Variants in SYNE2 observed in about 807,000 individuals in gnomAD.
SYNE2 encodes the protein spectrin repeat containing nuclear envelope protein 2.
Under a neutral mutation model 856.3 loss-of-function variants are expected in SYNE2, and 431 were observed. The ratio of observed to expected loss-of-function variants is 0.50; its 90% CI spans 0.47 to 0.55. The LOEUF (loss-of-function observed/expected upper bound fraction) is 0.55. Among genes scored for constraint, SYNE2 ranks in the 20% least tolerant of loss-of-function variants. The probability of loss-of-function intolerance (pLI) is 0.00; values close to 1 mark genes in which losing one functional copy is unlikely to be tolerated. For missense variants in SYNE2, 8,129 were observed against 8,023.2 expected, an observed-to-expected ratio of 1.01 and a Z score of -0.50; for synonymous variants, 2,923 against 2,872.3, an observed-to-expected ratio of 1.02 and a Z score of -0.56.
At chr14:64,191,178 AATT>A (rs1431218111) in intron 99 of SYNE2, 22 of 341,462 alleles carry the variant, frequency 6.4e-5, no homozygotes, top group African/African-American at 1.9e-4. Flanking sequence ...TTATTATTTA[AATT>A]ATTATTTAAA....
chr14:64,078,640 G>T (rs374180430), intron 55 of SYNE2, 34 bp downstream of exon 55: 44 of 1,611,034 alleles, frequency 2.7e-5, no homozygotes, highest in Non-Finnish European at 3.5e-5. Flanking sequence ...TCAGCATTTG[G>T]TACTTCTGAC....
At chr14:63,823,924 AC>A (rs1191649590) in intron 1 of SYNE2, among the ~76,000 whole-genome samples, 2 of 152,170 alleles carry the variant, frequency 1.3e-5, no homozygotes, top group Non-Finnish European at 2.9e-5. Flanking sequence ...GGCATGAGCC[AC>A]CACACCTGGC....
At chr14:63,797,818 A>G (rs1401377458) in intron 1 of SYNE2, among the ~76,000 whole-genome samples, 2 of 152,238 alleles carry the variant, frequency 1.3e-5, no homozygotes, top group Non-Finnish European at 2.9e-5. Flanking sequence ...ATCTTAGCAC[A>G]ATACCTTGCT....
chr14:63,792,030 C>CAGTAACAT (rs1261863834), intron 1 of SYNE2, among the ~76,000 whole-genome samples: 1 of 151,372 alleles, frequency 6.6e-6, no homozygotes, highest in Non-Finnish European at 1.5e-5. Flanking sequence ...CAAAAGAAGG[C>CAGTAACAT]AGTAACATTG....
chr14:63,934,237 G>A (rs1406730142), intron 2 of SYNE2, among the ~76,000 whole-genome samples: 3 of 152,228 alleles, frequency 2.0e-5, no homozygotes, highest in Non-Finnish European at 4.4e-5. Flanking sequence ...TTGCTAACTG[G>A]AGAATACCTG....
rs150369101 is a variant in SYNE2 at position 63,935,095 on chromosome 14, C to T, written c.80-5519C>T. Reference sequence around the variant, plus strand: ...ATGCTAGGGGACAAAACAATGAAAACATTGCTCAGAGATTCTAGGAGATTT... The same window carrying T: ...ATGCTAGGGGACAAAACAATGAAAATATTGCTCAGAGATTCTAGGAGATTT... On this transcript the variant is annotated intron_variant, in intron 2 of 115. Coordinates refer to ENST00000555002, the MANE Select transcript of SYNE2 (RefSeq NM_182914.3). 8.6e-4 allele frequency among the ~76,000 whole-genome samples: 131 copies of T among 151,516 alleles called. 1 individual carries two copies. Among genetic ancestry groups the T allele is most frequent in the Non-Finnish European group, 1.7e-3 (114 of 67,874 alleles).
chr14:64,143,643 C>A, intron 82 of SYNE2, 129 bp from the exon 83 acceptor site: 2 of 952,608 alleles, frequency 2.1e-6, no homozygotes, highest in Non-Finnish European at 3.4e-6. Flanking sequence ...GAGGGTAGAA[C>A]AGAACTCCTG....
intron 1 of SYNE2, among the ~76,000 whole-genome samples, chr14:63,859,545 G>C (rs778114031): frequency 6.6e-6 from 1 of 152,210 alleles, no homozygotes; most frequent in Non-Finnish European, 1.5e-5. Flanking sequence ...TTGGCTGGGC[G>C]TGGTGGCTCA....
chr14:64,012,465 A>G (rs190590770), intron 32 of SYNE2, among the ~76,000 whole-genome samples: 1 of 152,346 alleles, frequency 6.6e-6, no homozygotes, highest in East Asian at 1.9e-4. Flanking sequence ...TAACTGTTTC[A>G]ATCACTGCGT....
intron 1 of SYNE2, among the ~76,000 whole-genome samples, chr14:63,823,167 T>C (rs1246776505): frequency 6.6e-6 from 1 of 151,628 alleles, no homozygotes; most frequent in African/African-American, 2.4e-5. Flanking sequence ...ACTTCTCAGC[T>C]GAAGTCTACC....
At chr14:64,030,145 G>T (rs1305796975) in intron 44 of SYNE2, 86 bp downstream of exon 44, 1 of 1,332,704 alleles carries the variant, frequency 7.5e-7, no homozygotes, top group Non-Finnish European at 1.1e-6. Context: ...TCCTCTGTCA[G>T]AAATTCCAGT....
intron 22 of SYNE2, 94 bp downstream of exon 22, chr14:63,994,063 C>T (rs1317987016): frequency 2.8e-5 from 37 of 1,307,302 alleles, no homozygotes; most frequent in Non-Finnish European, 3.6e-5. Flanking sequence ...TTCCTGTCTA[C>T]GTTGTATCAC....
At chr14:63,982,880 AT>A in intron 17 of SYNE2, 86 bp downstream of exon 17, 1 of 1,364,846 alleles carries the variant, frequency 7.3e-7, no homozygotes, top group South Asian at 1.2e-5. Context: ...TAACCAATTG[AT>A]TTCTGGTATA....
chr14:64,132,477 T>C (rs1183540720), intron 77 of SYNE2, 39 bp downstream of exon 77: 7 of 1,613,146 alleles, frequency 4.3e-6, no homozygotes, highest in Non-Finnish European at 5.9e-6. Context: ...AAGCTGGGAA[T>C]TGCTGATTTT....
At chr14:63,862,499 G>A (rs1022100249) in intron 1 of SYNE2, among the ~76,000 whole-genome samples, 8 of 152,128 alleles carry the variant, frequency 5.3e-5, no homozygotes, top group Non-Finnish European at 2.9e-5. Context: ...GCCTCCTAAG[G>A]GGCTGGGATT....
intron 1 of SYNE2, among the ~76,000 whole-genome samples, chr14:63,814,745 C>CATATATATATCCAT (rs1555341062): frequency 1.3e-5 from 1 of 77,258 alleles, no homozygotes; most frequent in East Asian, 3.5e-4. Context: ...TATATATATC[C>CATATATATATCCAT]ATATATATCC....
chr14:64,186,342 A>G, intron 96 of SYNE2, 82 bp from the exon 97 acceptor site: 4 of 1,581,420 alleles, frequency 2.5e-6, no homozygotes, highest in Non-Finnish European at 3.5e-6. Context: ...CCAGAGTCTA[A>G]TCAAAGGATT....
chr14:63,993,762 C>T, intron 21 of SYNE2, 73 bp from the exon 22 acceptor site: 1 of 1,397,770 alleles, frequency 7.2e-7, no homozygotes, highest in Non-Finnish European at 9.9e-7. Flanking sequence ...CCAAAATTAG[C>T]TTAGAGGATT....
At chr14:63,809,999 G>A (rs1888552948) in intron 1 of SYNE2, among the ~76,000 whole-genome samples, 1 of 152,132 alleles carries the variant, frequency 6.6e-6, no homozygotes, top group African/African-American at 2.4e-5. Flanking sequence ...AAGGCAGGAG[G>A]ATATCTTAAG....
Sources: gnomAD v4.1 joint callset for allele counts (sites outside exome capture counted in the v4.1 genomes callset) on GRCh38, gnomAD v4.1.1 for gene constraint, MANE v1.5 for transcripts, NCBI Gene and HGNC (gene_info 2026-07-23, HGNC 2026-07-21) for gene names.